Variants in ZNF407 observed in about 807,000 individuals in gnomAD.
The protein encoded by ZNF407 is zinc finger protein 407.
Under a neutral mutation model 131.2 loss-of-function variants are expected in ZNF407, and 17 were observed. The ratio of observed to expected loss-of-function variants is 0.13; its 90% confidence interval spans 0.09 to 0.19. The LOEUF is 0.19. ZNF407 is among the 10% of genes least tolerant of loss of function. The pLI, the probability that ZNF407 is intolerant of heterozygous loss-of-function variation, is 1.00. For missense variants in ZNF407, 2,681 were observed against 2,830.6 expected (o/e 0.95, Z 1.20); for synonymous variants, 1,156 against 1,062.0 (o/e 1.09, Z -1.72).
intron 3 of ZNF407, among the ~76,000 whole-genome samples, chr18:74,676,603 A>ATTTCTT (rs199721653): frequency 1.3e-5 from 2 of 151,144 alleles, no homozygotes; most frequent in South Asian, 2.1e-4. Flanking sequence ...TGCCCGGGTA[A>ATTTCTT]TTTTGTATTT....
intron 4 of ZNF407, chr18:74,804,614 T>C (rs1357004886): frequency 9.1e-6 from 9 of 984,166 alleles, no homozygotes; most frequent in East Asian, 1.1e-4. Flanking sequence ...GTAATTAAAA[T>C]GCTGATTACT....
In ZNF407 at chr18:74,604,167, C is replaced by T. The variant is rs1982698421; in HGVS notation, c.-54+6230C>T. Among the ~76,000 whole-genome samples, 2 of 152,176 alleles carry T rather than the reference C, an allele frequency of 1.3e-5. 1 individual carries two copies. Among genetic ancestry groups the T allele is most frequent in the South Asian group, 4.1e-4 (2 of 4,828 alleles). On this transcript the variant is annotated intron_variant, in intron 1 of 8. Transcript: ENST00000299687. ...ATGAAGAGATAAGAGAGGTCACCTC[C>T]TCACAAAGTACAAGGTTTGATTCCA...
At chr18:74,763,103 G>A (rs540955393) in intron 3 of ZNF407, among the ~76,000 whole-genome samples, 1 of 147,050 alleles carries the variant, frequency 6.8e-6, no homozygotes, top group Non-Finnish European at 1.5e-5. Flanking sequence ...TTGTTAGTCT[G>A]TCTGGTTTTA....
chr18:75,037,849 T>A (rs1203741489), intron 8 of ZNF407, among the ~76,000 whole-genome samples: 3 of 152,178 alleles, frequency 2.0e-5, no homozygotes. Flanking sequence ...AATGTGTCCC[T>A]TCTCAGGGGG....
chr18:74,864,654 A>G (rs1599205901), intron 4 of ZNF407, among the ~76,000 whole-genome samples: 1 of 152,208 alleles, frequency 6.6e-6, no homozygotes, highest in African/African-American at 2.4e-5. Context: ...AAGAATGAAA[A>G]TCAAAATATA....
At chr18:74,849,052 C>CTTT (rs35529971) in intron 4 of ZNF407, among the ~76,000 whole-genome samples, 142 of 122,842 alleles carry the variant, frequency 1.2e-3, no homozygotes, top group Middle Eastern at 9.4e-3. Flanking sequence ...ACTTTTGTTT[C>CTTT]TTTTTTTTTT....
intron 4 of ZNF407, among the ~76,000 whole-genome samples, chr18:74,842,430 G>A (rs1048964972): frequency 2.6e-5 from 4 of 152,092 alleles, no homozygotes; most frequent in Admixed American, 1.3e-4. Context: ...CTACTACTGT[G>A]TTTAAATCTT....
rs1984168926 is a variant in ZNF407, at chr18:74,632,537, C to T, written c.1518C>T (p.Ala506=). 5 of 1,613,878 alleles carry T rather than the reference C, an allele frequency of 3.1e-6. No individual in the cohort carries two copies. The South Asian group carries it at 4.4e-5, about 14-fold the overall frequency. Residue 506 remains alanine (A), a synonymous_variant, in exon 2 of 9, where the codon GCC becomes GCT. Coordinates refer to ENST00000299687, the MANE Select transcript of ZNF407 (RefSeq NM_017757.3). ...AGGCAGAGCAGGGCCAGGGGAGTGCCCGTCCTCCGGACTCCGGGCTGCATT... is the reference window on the plus strand; with the variant it reads ...AGGCAGAGCAGGGCCAGGGGAGTGCTCGTCCTCCGGACTCCGGGCTGCATT... ...TQEAEQGQGS[A]RPPDSGLHSL...
intron 3 of ZNF407, among the ~76,000 whole-genome samples, chr18:74,756,493 T>A (rs932905826): frequency 1.3e-5 from 2 of 152,220 alleles, no homozygotes; most frequent in Non-Finnish European, 2.9e-5. Context: ...CTTCTTGTAG[T>A]GAAGTTTTAA....
intron 4 of ZNF407, among the ~76,000 whole-genome samples, chr18:74,848,761 G>A (rs1664325781): frequency 6.6e-6 from 1 of 152,138 alleles, no homozygotes; most frequent in African/African-American, 2.4e-5. Context: ...TACCCAAAGT[G>A]TTGCCCCGTT....
At chr18:75,029,721 C>T (rs1400847150) in intron 8 of ZNF407, among the ~76,000 whole-genome samples, 1 of 152,232 alleles carries the variant, frequency 6.6e-6, no homozygotes, top group East Asian at 1.9e-4. Context: ...TAGCATGTGA[C>T]TTATCACTGG....
chr18:74,698,057 G>A (rs1967400518), intron 3 of ZNF407, among the ~76,000 whole-genome samples: 1 of 152,138 alleles, frequency 6.6e-6, no homozygotes, highest in Admixed American at 6.5e-5. Context: ...GTAATGTGCA[G>A]GTCAACAGTG....
intron 4 of ZNF407, among the ~76,000 whole-genome samples, chr18:74,786,211 C>A (rs1401166991): frequency 6.6e-6 from 1 of 152,148 alleles, no homozygotes; most frequent in African/African-American, 2.4e-5. Context: ...AAACAGTTTT[C>A]CTCTATTCCT....
chr18:74,949,675 GAAC>G (rs1390022858), intron 8 of ZNF407, among the ~76,000 whole-genome samples: 1 of 152,178 alleles, frequency 6.6e-6, no homozygotes, highest in Non-Finnish European at 1.5e-5. Context: ...GACAAGTAAA[GAAC>G]AAAGCCTGAA....
chr18:75,017,773 C>T (rs1973062234), intron 8 of ZNF407, among the ~76,000 whole-genome samples: 1 of 152,250 alleles, frequency 6.6e-6, no homozygotes, highest in Non-Finnish European at 1.5e-5. Flanking sequence ...CCTCCTGCTT[C>T]GACCTTGTGC....
At chr18:75,058,386 G>A (rs548911943) in intron 8 of ZNF407, among the ~76,000 whole-genome samples, 63 of 152,276 alleles carry the variant, frequency 4.1e-4, no homozygotes, top group African/African-American at 1.3e-3. Flanking sequence ...GAACGCAAAC[G>A]GGCAGAAAGT....
chr18:74,985,652 G>C (rs748453502), intron 8 of ZNF407, among the ~76,000 whole-genome samples: 1 of 152,144 alleles, frequency 6.6e-6, no homozygotes, highest in Non-Finnish European at 1.5e-5. Flanking sequence ...AGAGAGGATC[G>C]AGCAGAAGGG....
chr18:74,785,772 C>T (rs3850132), intron 4 of ZNF407, among the ~76,000 whole-genome samples: 98,426 of 146,102 alleles, frequency 0.67, 33,545 homozygotes, highest in East Asian at 0.95. Flanking sequence ...ATGTCACTCA[C>T]ATGGCACACA....
intron 8 of ZNF407, among the ~76,000 whole-genome samples, chr18:75,046,774 A>G (rs1030885242): frequency 3.9e-5 from 6 of 151,986 alleles, no homozygotes; most frequent in African/African-American, 1.4e-4. Flanking sequence ...AAAAAAAAAA[A>G]AAGCCTTACC....
Sources: allele counts gnomAD v4.1 joint callset (sites outside exome capture counted in the v4.1 genomes callset), GRCh38; gene constraint gnomAD v4.1.1; transcripts MANE v1.5; gene names NCBI Gene and HGNC (gene_info 2026-07-23, HGNC 2026-07-21).